The following INVS variants were observed in gnomAD, a reference collection of about 807,000 sequenced individuals.
INVS encodes inversin, also known as inversion of embryo turning homolog.
INVS carries 86 observed loss-of-function variants against 108.8 expected under a neutral mutation model. The observed-to-expected ratio is 0.79, with a 90% CI of 0.66 to 0.95. The LOEUF is 0.95. Among genes scored for constraint, INVS ranks in the 40% least tolerant of loss-of-function variants. The pLI is 0.00. For missense variants in INVS, 1,169 were observed against 1,297.4 expected, an observed-to-expected ratio of 0.90 and a Z score of 1.52; for synonymous variants, 455 against 473.5, an observed-to-expected ratio of 0.96 and a Z score of 0.51.
At chr9:100,156,392 C>G (rs1309784682) in intron 3 of INVS, among the ~76,000 whole-genome samples, 1 of 151,132 alleles carries the variant, frequency 6.6e-6, no homozygotes, top group Non-Finnish European at 1.5e-5. Flanking sequence ...TCCCAAGTAG[C>G]TGGGTTTAAA....
At chr9:100,110,422 A>G (rs1054561677) in intron 2 of INVS, among the ~76,000 whole-genome samples, 8 of 152,222 alleles carry the variant, frequency 5.3e-5, no homozygotes, top group African/African-American at 1.9e-4. Context: ...AAAGTATGGG[A>G]CCTCAATGTA....
At chr9:100,170,692 A>G (rs1315523825) in intron 3 of INVS, among the ~76,000 whole-genome samples, 1 of 152,146 alleles carries the variant, frequency 6.6e-6, no homozygotes. Context: ...ACTTTCTATG[A>G]CCTATAAACA....
At chr9:100,168,664 C>T (rs1292636022) in intron 3 of INVS, among the ~76,000 whole-genome samples, 1 of 152,106 alleles carries the variant, frequency 6.6e-6, no homozygotes, top group African/African-American at 2.4e-5. Flanking sequence ...AAATATCGGC[C>T]TTATTCATGG....
intron 2 of INVS, among the ~76,000 whole-genome samples, chr9:100,115,995 G>A (rs1215457120): frequency 6.6e-6 from 1 of 152,084 alleles, no homozygotes; most frequent in African/African-American, 2.4e-5. Context: ...ATTCTAACTG[G>A]TGTGAGATGA....
In INVS at chr9:100,291,579, T is replaced by G. The variant is rs113876110; in HGVS notation, c.2069-747T>G. Among the ~76,000 whole-genome samples, 663 of 152,308 alleles carry G rather than the reference T, an allele frequency of 4.4e-3. 7 individuals carry two copies. The highest frequency in any genetic ancestry group is 0.015 in the African/African-American group (624 of 41,558). ...GAGGACTCCGTTGTGCAGCCTGAGT[T>G]GAGGGCATGTCACACTAAAGCAATA... On this transcript the variant is annotated intron_variant, in intron 13 of 16. Coordinates refer to ENST00000262457, the MANE Select transcript of INVS (RefSeq NM_014425.5).
At position 100,240,256 on chromosome 9, in the gene INVS, G is replaced by A; in HGVS notation, c.796+16G>A. On this transcript the variant is annotated intron_variant, in intron 6 of 16. Transcript: ENST00000262457. ...GCTTTATTAGGTACGTGACTCAAAGGATCAACAGTAAAAGGAACTTCATGA... is the reference window on the plus strand; with the variant it reads ...GCTTTATTAGGTACGTGACTCAAAGAATCAACAGTAAAAGGAACTTCATGA... The A allele has an allele frequency of 6.2e-7, 1 of 1,604,026 alleles. No homozygotes were observed. The highest frequency in any genetic ancestry group is 8.5e-7 in the Non-Finnish European group (1 of 1,171,052).
At chr9:100,256,247 G>A (rs748970544) in intron 10 of INVS, among the ~76,000 whole-genome samples, 5 of 152,102 alleles carry the variant, frequency 3.3e-5, no homozygotes, top group African/African-American at 1.2e-4. Flanking sequence ...GTTTTTGTGG[G>A]ATTGGTGGTG....
intron 3 of INVS, among the ~76,000 whole-genome samples, chr9:100,188,962 G>C (rs771642627): frequency 6.6e-6 from 1 of 151,920 alleles, no homozygotes; most frequent in Non-Finnish European, 1.5e-5. Flanking sequence ...ATTTCCTCTA[G>C]ATTTCCTACT....
intron 2 of INVS, among the ~76,000 whole-genome samples, chr9:100,109,699 C>T (rs1305000517): frequency 6.6e-6 from 1 of 152,154 alleles, no homozygotes; most frequent in Non-Finnish European, 1.5e-5. Flanking sequence ...GAGTTTCACT[C>T]TTGTTGCCCA....
At chr9:100,201,627 A>C (rs992205993) in intron 3 of INVS, among the ~76,000 whole-genome samples, 2 of 152,224 alleles carry the variant, frequency 1.3e-5, no homozygotes, top group Non-Finnish European at 2.9e-5. Context: ...TATAGACATA[A>C]ATTTCCACAA....
intron 3 of INVS, among the ~76,000 whole-genome samples, chr9:100,134,511 A>G (rs1828161295): frequency 6.6e-6 from 1 of 152,166 alleles, no homozygotes. Context: ...TTCCTTAAGG[A>G]ATCTCCACAC....
At chr9:100,188,838 G>C (rs778669286) in intron 3 of INVS, among the ~76,000 whole-genome samples, 1 of 151,774 alleles carries the variant, frequency 6.6e-6, no homozygotes, top group Non-Finnish European at 1.5e-5. Flanking sequence ...TGTTGTTGTT[G>C]TTGGCAATTT....
Position 100,100,708 on chromosome 9 carries a change from T to A in INVS, c.-25+1292T>A, listed in dbSNP as rs1237582411. On this transcript the variant is annotated intron_variant, in intron 1 of 16. Transcript: ENST00000262457. ...ATATATATTATATATGTACATATAATATATATATTATATGTACATATAATA... is the reference window on the plus strand; with the variant it reads ...ATATATATTATATATGTACATATAAAATATATATTATATGTACATATAATA... Among the ~76,000 whole-genome samples the A allele has an allele frequency of 4.1e-4, 15 of 36,426 alleles. 3 individuals carry two copies. The highest frequency in any genetic ancestry group is 6.0e-4 in the Non-Finnish European group (13 of 21,628). 23.9% of individuals were successfully genotyped at this position (36,426 alleles called of 152,430 possible).
At position 100,296,951 on chromosome 9, in the gene INVS, C is replaced by T; in HGVS notation, c.2821C>T (p.His941Tyr). 1 of 1,614,100 alleles carries T rather than the reference C, an allele frequency of 6.2e-7. No individual in the cohort carries two copies. The highest frequency in any genetic ancestry group is 8.5e-7 in the Non-Finnish European group (1 of 1,180,000). ...QLRKHLSHLR[H>Y]MKQLGAGDVD... Reference sequence around the variant, plus strand: ...CAGGAAGCACCTGTCCCACCTTCGGCATATGAAGCAGCTTGGAGCTGGAGA... The same window carrying T: ...CAGGAAGCACCTGTCCCACCTTCGGTATATGAAGCAGCTTGGAGCTGGAGA... Residue 941 changes from histidine (H) to tyrosine (Y), a missense_variant, in exon 15 of 17, where the codon CAT (histidine) becomes TAT (tyrosine). By Grantham distance (83) the His-to-Tyr change is moderately conservative. Around this residue, in one of 3 missense-constraint regions of INVS, gnomAD observed 533 missense variants for 536.0 expected, o/e 0.99. Transcript: ENST00000262457.
chr9:100,253,279 C>T (rs987797656), intron 10 of INVS, 143 bp downstream of exon 10: 2 of 659,250 alleles, frequency 3.0e-6, no homozygotes, highest in Non-Finnish European at 5.3e-6. Flanking sequence ...ATTATTTGTC[C>T]ATGTTCTCTT....
At position 100,111,654 on chromosome 9, in the gene INVS, C is replaced by T. The variant is rs372147633; in HGVS notation, c.106+7027C>T. On this transcript the variant is annotated intron_variant, in intron 2 of 16. Coordinates refer to ENST00000262457, the MANE Select transcript of INVS (RefSeq NM_014425.5). The stretch of plus-strand genomic sequence containing the variant: ...CTGCCATCCAGTGAATATTAGTTTA[C>T]ATCATAAGCTCTACGTTTGTACAAC... 2.0e-5 allele frequency among the ~76,000 whole-genome samples: 3 copies of T among 152,228 alleles called. No homozygotes were observed. The East Asian group carries it at 5.8e-4, about 29-fold the overall frequency.
intron 3 of INVS, among the ~76,000 whole-genome samples, chr9:100,174,815 G>A (rs1829657884): frequency 6.6e-6 from 1 of 152,102 alleles, no homozygotes; most frequent in Non-Finnish European, 1.5e-5. Context: ...GGGAGGCTGA[G>A]GCAGGAGAAT....
chr9:100,246,330 A>G (rs1234969948), intron 7 of INVS, among the ~76,000 whole-genome samples: 2 of 152,164 alleles, frequency 1.3e-5, no homozygotes, highest in African/African-American at 4.8e-5. Flanking sequence ...AAAGTTTCCA[A>G]GCTTGATTGA....
At chr9:100,125,304 T>C (rs1436937358) in intron 2 of INVS, among the ~76,000 whole-genome samples, 2 of 152,216 alleles carry the variant, frequency 1.3e-5, no homozygotes. Flanking sequence ...CAGTTTCTTT[T>C]ATTGTATGTG....
Sources: gnomAD v4.1 joint callset for allele counts (sites outside exome capture counted in the v4.1 genomes callset) on GRCh38, gnomAD v4.1.1 for gene constraint, gnomAD v4.1.1 regional missense constraint, MANE v1.5 for transcripts, NCBI Gene and HGNC (gene_info 2026-07-23, HGNC 2026-07-21) for gene names.